The following FXYD6 variants were observed in gnomAD, a reference collection of about 807,000 sequenced individuals.
The protein encoded by FXYD6 is FXYD domain-containing ion transport regulator 6.
FXYD6 carries 7 observed loss-of-function variants against 16.7 expected under a neutral mutation model. The ratio of observed to expected loss-of-function variants is 0.42; its 90% CI spans 0.24 to 0.79. The LOEUF is 0.79. FXYD6 is among the 30% of genes least tolerant of loss of function. The pLI, the probability that FXYD6 is intolerant of heterozygous loss-of-function variation, is 0.28. For synonymous variants in FXYD6, 49 were observed against 43.0 expected, an observed-to-expected ratio of 1.14 and a Z score of -0.54; for missense variants, 111 against 116.2, an observed-to-expected ratio of 0.95 and a Z score of 0.21.
At chr11:117,841,736 T>C in intron 4 of FXYD6, 55 bp downstream of exon 4, 1 of 1,606,376 alleles carries the variant, frequency 6.2e-7, no homozygotes, top group East Asian at 2.2e-5. Context: ...TGTCCCCACC[T>C]GCTTAGCAGC....
intron 4 of FXYD6, 75 bp downstream of exon 4, chr11:117,841,713 CAGG>C: frequency 1.3e-6 from 2 of 1,554,086 alleles, no homozygotes; most frequent in Non-Finnish European, 1.8e-6. Context: ...AGGGACCAAC[CAGG>C]CTCTCACACT....
At chr11:117,857,025 T>C (rs115524104) in intron 1 of FXYD6, among the ~76,000 whole-genome samples, 9,776 of 151,972 alleles carry the variant, frequency 0.064, 348 homozygotes, top group African/African-American at 0.094. Context: ...GGAAGGGGGG[T>C]AGCCTGGCTG....
chr11:117,841,757 G>A (rs2056350291), intron 4 of FXYD6, 34 bp downstream of exon 4: 2 of 1,611,980 alleles, frequency 1.2e-6, no homozygotes, highest in African/African-American at 1.3e-5. Context: ...CTCAGTCATT[G>A]CTCTTAACAG....
At chr11:117,876,854 C>T (rs1402156331), upstream of FXYD6, 1 of 152,436 alleles carries the variant, frequency 6.6e-6, no homozygotes, top group East Asian at 1.9e-4. Context: ...CCCCTCTCCT[C>T]CTCTCCCTGT....
intron 7 of FXYD6, chr11:117,839,491 T>C: frequency 2.3e-6 from 1 of 427,350 alleles, no homozygotes; most frequent in Non-Finnish European, 4.2e-6. Context: ...CTAACTCTAA[T>C]TCTCCCATGT....
At chr11:117,871,235 G>A (rs1453688361) in intron 1 of FXYD6, among the ~76,000 whole-genome samples, 1 of 152,178 alleles carries the variant, frequency 6.6e-6, no homozygotes, top group Non-Finnish European at 1.5e-5. Flanking sequence ...GTGACGCACG[G>A]TAATAAAGGG....
chr11:117,866,877 C>A (rs1034373855), intron 1 of FXYD6, among the ~76,000 whole-genome samples: 5 of 152,182 alleles, frequency 3.3e-5, no homozygotes, highest in Non-Finnish European at 7.3e-5. Flanking sequence ...AGCTGCAGAT[C>A]ACCTTTTTTT....
chr11:117,875,074 A>G (rs2057226586), intron 1 of FXYD6, among the ~76,000 whole-genome samples: 1 of 151,080 alleles, frequency 6.6e-6, no homozygotes, highest in Non-Finnish European at 1.5e-5. Context: ...CCCCTGCCTC[A>G]GCCCAGCCTG....
At chr11:117,857,235 A>G (rs1410773405) in intron 1 of FXYD6, among the ~76,000 whole-genome samples, 7 of 152,166 alleles carry the variant, frequency 4.6e-5, no homozygotes, top group Non-Finnish European at 4.4e-5. Flanking sequence ...ACTCTCTCAC[A>G]CAGGGGAGTA....
chr11:117,866,246 A>G (rs1193801553), intron 1 of FXYD6, among the ~76,000 whole-genome samples: 1 of 152,092 alleles, frequency 6.6e-6, no homozygotes. Flanking sequence ...CAATATGGAT[A>G]TACTTACCTC....
chr11:117,841,047 C>G (rs2056327793), intron 5 of FXYD6, 101 bp downstream of exon 5: 2 of 1,487,720 alleles, frequency 1.3e-6, no homozygotes, highest in Non-Finnish European at 1.8e-6. Flanking sequence ...GCCTCCGAGA[C>G]AAGAATCCAA....
rs1591552354 is a variant in FXYD6 at position 117,841,847 on chromosome 11, A to G, written c.116T>C (p.Ile39Thr). Residue 39 changes from isoleucine (I) to threonine (T), a missense_variant, in exon 4 of 8, where the codon ATT (isoleucine) becomes ACT (threonine). Transcript: ENST00000526014. Reference sequence around the variant, plus strand: ...GACCACAGCGAACACCAGTCCCCCAATCCTCAGGGTCTGGTAATCTGCCAA... The same window carrying G: ...GACCACAGCGAACACCAGTCCCCCAGTCCTCAGGGTCTGGTAATCTGCCAA... ...PFHYDYQTLR[I>T]GGLVFAVVLF... 3.1e-6 allele frequency: 5 copies of G among 1,613,858 alleles called. No individual in the cohort carries two copies. The highest frequency in any genetic ancestry group is 4.2e-6 in the Non-Finnish European group (5 of 1,179,970).
chr11:117,867,525 T>C (rs556294216), intron 1 of FXYD6, among the ~76,000 whole-genome samples: 1 of 152,326 alleles, frequency 6.6e-6, no homozygotes, highest in Admixed American at 6.5e-5. Context: ...AGGACTAACC[T>C]TTCTAAAGTG....
intron 1 of FXYD6, chr11:117,843,538 G>A (rs1257098393): frequency 1.3e-5 from 2 of 152,178 alleles, no homozygotes; most frequent in East Asian, 1.9e-4. Flanking sequence ...CTTAATATCA[G>A]ACTAAATGGG....
At chr11:117,874,168 T>C (rs2057202263) in intron 1 of FXYD6, among the ~76,000 whole-genome samples, 1 of 152,204 alleles carries the variant, frequency 6.6e-6, no homozygotes, top group Non-Finnish European at 1.5e-5. Flanking sequence ...AGGATTCCGA[T>C]GTCAGGGATT....
chr11:117,854,628 C>T (rs2134166806), intron 1 of FXYD6, among the ~76,000 whole-genome samples: 1 of 152,294 alleles, frequency 6.6e-6, no homozygotes, highest in African/African-American at 2.4e-5. Context: ...CGAGAACTTC[C>T]CAACAGGTAC....
At chr11:117,873,219 T>TGCTCA (rs1367976530) in intron 1 of FXYD6, among the ~76,000 whole-genome samples, 1 of 152,212 alleles carries the variant, frequency 6.6e-6, no homozygotes, top group East Asian at 1.9e-4. Context: ...AGCCCCTTCC[T>TGCTCA]GCTCAGCTCA....
chr11:117,841,210 G>T (rs1226525599), intron 4 of FXYD6, 26 bp from the exon 5 acceptor site: 1 of 1,613,916 alleles, frequency 6.2e-7, no homozygotes, highest in Admixed American at 1.7e-5. Context: ...ACCATCCAAG[G>T]TCATGCTGCT....
intron 1 of FXYD6, among the ~76,000 whole-genome samples, chr11:117,862,945 G>GGATGAT (rs200902855): frequency 2.8e-4 from 42 of 151,864 alleles, no homozygotes; most frequent in East Asian, 2.7e-3. Context: ...TGGTCAAAGG[G>GGATGAT]GATGATGATG....
Sources: allele counts gnomAD v4.1 joint callset (sites outside exome capture counted in the v4.1 genomes callset), GRCh38; gene constraint gnomAD v4.1.1; transcripts MANE v1.5; gene names NCBI Gene and HGNC (gene_info 2026-07-23, HGNC 2026-07-21).